Variants in USP35 observed in about 807,000 individuals in gnomAD.
The protein encoded by USP35 is ubiquitin specific peptidase 35, also known as ubiquitin carboxyl-terminal hydrolase 35.
USP35 carries 69 observed loss-of-function variants against 83.8 expected under a neutral mutation model. That is an observed-to-expected ratio of 0.82 (90% CI 0.68 to 1.01). The LOEUF is 1.01. Among genes scored for constraint, USP35 ranks in the 50% least tolerant of loss-of-function variants. The pLI is 0.00. For synonymous variants in USP35, 714 were observed against 589.5 expected (o/e 1.21, Z -3.06); for missense variants, 1,503 against 1,362.5 (o/e 1.10, Z -1.62).
Position 78,196,603 on chromosome 11 carries a change from G to A in USP35, c.358G>A (p.Val120Met). ...GCCCGAGGGGCCTGCGGCCGACGAG[G>A]TGTTCGCGCTGCTGCGGCGCGAGGT... ...LLPEGPAADE[V>M]FALLRREVLR... Residue 120 changes from valine (V) to methionine (M), a missense_variant, in exon 2 of 11, where the codon GTG (valine) becomes ATG (methionine). Val to Met is a conservative substitution (Grantham distance 21, BLOSUM62 1). Transcript: ENST00000529308. The surrounding 1 kb of genome is among the most constrained non-coding windows in gnomAD (Gnocchi z 4.8). The A allele has an allele frequency of 7.8e-7, 1 of 1,276,656 alleles. No homozygotes were observed. The highest frequency in any genetic ancestry group is 9.9e-7 in the Non-Finnish European group (1 of 1,012,662). The allele number at this position is 1,276,656 out of a possible 1,614,324, so 79.1% of individuals were successfully genotyped here. A position where few individuals can be genotyped will look rare whatever the true frequency, so the allele number is the denominator to read the frequency against.
At chr11:78,236,775 GTT>G in the USP35 span, among the ~76,000 whole-genome samples, 7 of 149,720 alleles carry the variant, frequency 4.7e-5, no homozygotes, top group Non-Finnish European at 8.9e-5. Context: ...TACTTTGATT[GTT>G]TTTTTTTTGA....
the USP35 span, chr11:78,226,717 T>A: frequency 6.2e-7 from 1 of 1,613,812 alleles, no homozygotes; most frequent in Non-Finnish European, 8.5e-7. Context: ...GAGAGTGGGG[T>A]GGCCGGAACA....
intron 3 of USP35, 65 bp downstream of exon 3, chr11:78,198,133 C>T: frequency 6.2e-7 from 1 of 1,603,832 alleles, no homozygotes. Context: ...CTCAGAAGCC[C>T]CTTCTCCTGG....
At chr11:78,197,042 G>T (rs1037180639) in intron 2 of USP35, 124 bp downstream of exon 2, 7 of 1,362,870 alleles carry the variant, frequency 5.1e-6, no homozygotes, top group Non-Finnish European at 6.6e-6. Flanking sequence ...GCCAGGCGGC[G>T]AATGCTCAGG....
In USP35 at chr11:78,209,547, CT is replaced by C; in HGVS notation, c.1693del (p.Ser565LeufsTer10). On this transcript the variant is annotated frameshift_variant, in exon 10 of 11. Coordinates refer to ENST00000529308, the MANE Select transcript of USP35 (RefSeq NM_020798.4). LOFTEE classifies it high-confidence loss of function. ...PEEPPAPSST[S>X]VEKMFGGKIV... is the part of the protein sequence containing the mutation. ...AGGAGCCCCCGGCCCCAAGTTCAAC[CT>C]CTGTGGAAAAAATGTTTGGAGGCAA... is the stretch of plus-strand genomic sequence containing the variant. 1 of 1,614,158 alleles carries C rather than the reference CT, an allele frequency of 6.2e-7. No homozygotes were observed.
In USP35 at chr11:78,214,508, C is replaced by T. The variant is rs1236050337; in HGVS notation, c.*695C>T. 2.0e-5 allele frequency: 3 copies of T among 152,066 alleles called. No individual in the cohort carries two copies. The East Asian group carries it at 5.8e-4, about 29-fold the overall frequency. 9.4% of individuals were successfully genotyped at this position (152,066 alleles called of 1,614,324 possible). A position where few individuals can be genotyped will look rare whatever the true frequency, so the allele number is the denominator to read the frequency against. ...TGTGGTTAGAGTCCTGATTTTACTG[C>T]AAAGGTGTTCATGTTCCTTGTGAAG... On this transcript the variant is annotated 3_prime_UTR_variant, in exon 11 of 11. Transcript: ENST00000529308.
downstream of USP35, chr11:78,219,203 G>T (rs565178188): frequency 3.5e-6 from 5 of 1,426,522 alleles, no homozygotes; most frequent in Admixed American, 3.5e-5. Context: ...GAACGGGAGA[G>T]GGGAGAGGGG....
downstream of USP35, among the ~76,000 whole-genome samples, chr11:78,219,951 G>A (rs892964356): frequency 6.6e-6 from 1 of 152,136 alleles, no homozygotes; most frequent in Non-Finnish European, 1.5e-5. Context: ...ATCGACGGCA[G>A]GGCTCTGGAC....
At chr11:78,234,553 ATATATT>A in the USP35 span, among the ~76,000 whole-genome samples, 2 of 148,574 alleles carry the variant, frequency 1.3e-5, no homozygotes, top group Non-Finnish European at 3.0e-5. Context: ...ATTGGCATCT[ATATATT>A]TATATACTTT....
chr11:78,189,346 A>G (rs918948236), intron 1 of USP35, among the ~76,000 whole-genome samples, 189 bp downstream of exon 1: 3 of 152,022 alleles, frequency 2.0e-5, no homozygotes, highest in African/African-American at 7.3e-5. Context: ...CCCTCCCTTC[A>G]TCAATTGTAT....
chr11:78,209,035 C>G (rs573596644), intron 9 of USP35, 72 bp downstream of exon 9: 191 of 1,478,548 alleles, frequency 1.3e-4, no homozygotes, highest in Non-Finnish European at 1.7e-4. Context: ...TACCTCTGAG[C>G]TGTGTTGCAG....
At chr11:78,201,987 A>G (rs1863373134) in intron 6 of USP35, among the ~76,000 whole-genome samples, 1 of 152,226 alleles carries the variant, frequency 6.6e-6, no homozygotes, top group Non-Finnish European at 1.5e-5. Flanking sequence ...ACAGCTAGAA[A>G]TGCTTGTTAA....
chr11:78,205,616 C>T (rs1863506211), intron 6 of USP35, among the ~76,000 whole-genome samples: 1 of 152,142 alleles, frequency 6.6e-6, no homozygotes, highest in Non-Finnish European at 1.5e-5. Context: ...AATTATGCCA[C>T]CTTAAGGCAG....
chr11:78,232,822 G>A, the USP35 span, among the ~76,000 whole-genome samples: 1 of 152,132 alleles, frequency 6.6e-6, no homozygotes, highest in Non-Finnish European at 1.5e-5. Context: ...TAGTCTATGC[G>A]AGGCAGGATG....
At chr11:78,219,634 C>T (rs765618462), downstream of USP35, among the ~76,000 whole-genome samples, 2 of 152,186 alleles carry the variant, frequency 1.3e-5, no homozygotes, top group Non-Finnish European at 1.5e-5. Flanking sequence ...TGTAGCAGCA[C>T]CTGCCAGCCC....
intron 3 of USP35, 157 bp from the exon 4 acceptor site, chr11:78,199,438 C>G (rs1320831527): frequency 1.1e-5 from 12 of 1,134,512 alleles, no homozygotes; most frequent in Non-Finnish European, 1.4e-5. Flanking sequence ...TGTGCATTTC[C>G]CAGCCATGTC....
At chr11:78,217,693 G>A (rs1478687919), downstream of USP35, 1 of 152,208 alleles carries the variant, frequency 6.6e-6, no homozygotes, top group Non-Finnish European at 1.5e-5. Context: ...GGAACCTTGG[G>A]TGATGCCCTA....
chr11:78,210,757 G>A lies in USP35; in HGVS notation c.2889+13G>A, dbSNP rs370176522. The A allele has an allele frequency of 5.9e-6, 9 of 1,521,482 alleles. No homozygotes were observed. In the Admixed American group the frequency reaches 6.3e-5, roughly 11 times the overall value. 94.2% of individuals were successfully genotyped at this position (1,521,482 alleles called of 1,614,324 possible). On this transcript the variant is annotated intron_variant, in intron 10 of 10. Coordinates refer to ENST00000529308, the MANE Select transcript of USP35 (RefSeq NM_020798.4). ...CCTTTACCTACAGGTGAGCTGAGCC[G>A]TGGGGCCTTTGATCTGATCTCTTGG...
intron 1 of USP35, among the ~76,000 whole-genome samples, chr11:78,195,637 G>A (rs973078392): frequency 6.6e-6 from 1 of 152,204 alleles, no homozygotes; most frequent in Non-Finnish European, 1.5e-5. Flanking sequence ...GGGTCACCAG[G>A]GAGGTCTGGG....
Sources: gnomAD v4.1 joint callset for allele counts (sites outside exome capture counted in the v4.1 genomes callset) on GRCh38, gnomAD v4.1.1 for gene constraint, Gnocchi (gnomAD v3.1) non-coding constraint, MANE v1.5 for transcripts, NCBI Gene and HGNC (gene_info 2026-07-23, HGNC 2026-07-21) for gene names.